Variants in PDE7A observed in about 807,000 individuals in gnomAD.
PDE7A encodes the protein high affinity 3',5'-cyclic-AMP phosphodiesterase 7A.
In PDE7A, 39 loss-of-function variants were observed where a neutral mutation model predicts 64.3. The observed-to-expected ratio is 0.61, with a 90% confidence interval of 0.47 to 0.79. The LOEUF is 0.79. PDE7A is among the 30% of genes least tolerant of loss of function. The pLI is 0.00. For synonymous variants in PDE7A, 203 were observed against 206.8 expected, an observed-to-expected ratio of 0.98 and a Z score of 0.16; for missense variants, 470 against 582.8, an observed-to-expected ratio of 0.81 and a Z score of 1.99.
intron 3 of PDE7A, among the ~76,000 whole-genome samples, chr8:65,750,449 T>A (rs991834392): frequency 3.3e-5 from 5 of 151,642 alleles, no homozygotes; most frequent in African/African-American, 9.7e-5. Flanking sequence ...GATCACACTG[T>A]ATGTATATAT....
rs771987089 is a variant in PDE7A at position 65,782,840 on chromosome 8, G to A, written c.142C>T (p.Arg48Cys). The A allele has an allele frequency of 8.3e-6, 13 of 1,569,412 alleles. No homozygotes were observed. Among genetic ancestry groups the A allele is most frequent in the African/African-American group, 1.4e-5 (1 of 73,718 alleles). The change falls in exon 2 of 13, where the codon CGT becomes TGT. Residue 48 changes from arginine (R) to cysteine (C), a missense_variant. Transcript: ENST00000401827. Reference protein sequence around the residue: ...CPNPRQLSQRRGAISYDSSDQ... With the variant: ...CPNPRQLSQRCGAISYDSSDQ... ...GAACTGTCATAGGAAATAGCTCCAC[G>A]CCTCTAGAAAAAAAAATACACATTA...
intron 1 of PDE7A, among the ~76,000 whole-genome samples, chr8:65,798,318 T>C (rs1809908352): frequency 6.6e-6 from 1 of 151,288 alleles, no homozygotes; most frequent in African/African-American, 2.4e-5. Flanking sequence ...CAAGCAATTC[T>C]CCTGCCTCAG....
At chr8:65,757,514 T>C (rs1330263590) in intron 3 of PDE7A, among the ~76,000 whole-genome samples, 1 of 152,222 alleles carries the variant, frequency 6.6e-6, no homozygotes, top group African/African-American at 2.4e-5. Flanking sequence ...AAAGTGGCAG[T>C]AGTTTGGCAA....
At chr8:65,803,478 T>C (rs137906636) in intron 1 of PDE7A, among the ~76,000 whole-genome samples, 4 of 152,360 alleles carry the variant, frequency 2.6e-5, no homozygotes, top group East Asian at 1.9e-4. Context: ...CAGGTGTGCA[T>C]TTAACAATGT....
chr8:65,791,518 T>C (rs1809702095), intron 1 of PDE7A, among the ~76,000 whole-genome samples: 1 of 152,248 alleles, frequency 6.6e-6, no homozygotes, highest in African/African-American at 2.4e-5. Context: ...TGAAGGGAAC[T>C]TGCACTGTGT....
intron 1 of PDE7A, among the ~76,000 whole-genome samples, chr8:65,832,312 A>G (rs1273984122): frequency 6.6e-6 from 1 of 152,022 alleles, no homozygotes; most frequent in Non-Finnish European, 1.5e-5. Flanking sequence ...ACATAATACT[A>G]TAATCTACTT....
chr8:65,809,502 G>C (rs1810194474), intron 1 of PDE7A, among the ~76,000 whole-genome samples: 1 of 152,142 alleles, frequency 6.6e-6, no homozygotes, highest in Admixed American at 6.5e-5. Flanking sequence ...AGCCAAGAAA[G>C]CTATAGATTG....
chr8:65,719,830 AG>A, intron 12 of PDE7A: 1 of 294,350 alleles, frequency 3.4e-6, no homozygotes. Context: ...ACTCGGGCAT[AG>A]CCCAATTCGA....
At chr8:65,782,891 C>T (rs1204527900) in intron 1 of PDE7A, 48 bp from the exon 2 acceptor site, 1 of 1,046,412 alleles carries the variant, frequency 9.6e-7, no homozygotes, top group South Asian at 1.4e-5. Context: ...AAATATGATA[C>T]AAAATTCAAC....
intron 7 of PDE7A, chr8:65,728,298 A>T (rs1328453141): frequency 3.9e-5 from 6 of 152,122 alleles, no homozygotes; most frequent in African/African-American, 1.4e-4. Flanking sequence ...AAAAACTGAA[A>T]ATTTTAAAAA....
Position 65,723,530 on chromosome 8 carries a change from T to C in PDE7A, c.1243+11A>G, listed in dbSNP as rs376674794. ...TTTTCTAACCAGCTATATCTAAATA[T>C]GTATAGTTACCAATCTGGATGTTGG... On this transcript the variant is annotated intron_variant, in intron 12 of 12. Transcript: ENST00000401827. 119 of 1,541,920 alleles carry C rather than the reference T, an allele frequency of 7.7e-5. No individual in the cohort carries two copies. The highest frequency in any genetic ancestry group is 1.0e-4 in the Non-Finnish European group (115 of 1,146,726).
At chr8:65,810,543 GTCA>G (rs1388505952) in intron 1 of PDE7A, among the ~76,000 whole-genome samples, 1 of 151,902 alleles carries the variant, frequency 6.6e-6, no homozygotes, top group East Asian at 1.9e-4. Context: ...TTAGCAAGTA[GTCA>G]TCAATAGAAT....
chr8:65,734,903 A>G lies in PDE7A; in HGVS notation c.596-9T>C, dbSNP rs2128897620. 6.4e-7 allele frequency: 1 copy of G among 1,553,602 alleles called. No homozygotes were observed. Among genetic ancestry groups the G allele is most frequent in the Non-Finnish European group, 8.9e-7 (1 of 1,125,270 alleles). ...ATCTTCTTGAATCATAACTGCATCA[A>G]AGAAAGAGATCCCGATTTTATTGTA... On this transcript the variant is annotated splice_polypyrimidine_tract_variant and intron_variant, in intron 6 of 12. Transcript: ENST00000401827.
intron 1 of PDE7A, among the ~76,000 whole-genome samples, chr8:65,791,777 T>C (rs79955852): frequency 0.056 from 8,536 of 152,290 alleles, 684 homozygotes; most frequent in African/African-American, 0.18. Flanking sequence ...TCATTGCTAA[T>C]GACACATTTA....
intron 1 of PDE7A, among the ~76,000 whole-genome samples, chr8:65,825,934 G>GT (rs1334179690): frequency 6.6e-6 from 1 of 152,130 alleles, no homozygotes; most frequent in South Asian, 2.1e-4. Flanking sequence ...AAAACGAAGT[G>GT]TAACAGGTAA....
chr8:65,722,598 A>T (rs533432379), intron 12 of PDE7A: 1 of 152,362 alleles, frequency 6.6e-6, no homozygotes, highest in African/African-American at 2.4e-5. Flanking sequence ...CCCCCGTAGA[A>T]TCCCCCTCCT....
chr8:65,726,896 G>T lies in PDE7A; in HGVS notation c.899C>A (p.Ser300Ter). Residue 300 changes from serine (S) to a stop codon, truncating the protein, a stop_gained, in exon 9 of 13, where the codon TCA becomes TAA. Coordinates refer to ENST00000401827, the MANE Select transcript of PDE7A (RefSeq NM_001242318.3). LOFTEE classifies it high-confidence loss of function. ...VGLLRESGLFSHLPLESRQQM... is the reference protein window; with the variant it reads ...VGLLRESGLF ...CTACCTGCTTTCTAATGGCAGATGTGAGAATAAGCCTGATTCTCTCAATAA... is the reference window on the plus strand; with the variant it reads ...CTACCTGCTTTCTAATGGCAGATGTTAGAATAAGCCTGATTCTCTCAATAA... 6.3e-7 allele frequency: 1 copy of T among 1,598,708 alleles called. No homozygotes were observed. The highest frequency in any genetic ancestry group is 8.6e-7 in the Non-Finnish European group (1 of 1,167,030).
At chr8:65,747,140 A>G (rs1807709133) in intron 4 of PDE7A, among the ~76,000 whole-genome samples, 1 of 152,166 alleles carries the variant, frequency 6.6e-6, no homozygotes, top group Non-Finnish European at 1.5e-5. Flanking sequence ...AGAGACTATC[A>G]AGACTCATTT....
At chr8:65,740,482 C>T (rs1339573380) in intron 5 of PDE7A, among the ~76,000 whole-genome samples, 1 of 152,102 alleles carries the variant, frequency 6.6e-6, no homozygotes, top group East Asian at 1.9e-4. Flanking sequence ...CTCACTGCAA[C>T]CTCCACCTCC....
Sources: allele counts gnomAD v4.1 joint callset (sites outside exome capture counted in the v4.1 genomes callset), GRCh38; gene constraint gnomAD v4.1.1; transcripts MANE v1.5; gene names NCBI Gene and HGNC (gene_info 2026-07-23, HGNC 2026-07-21).